ZWINT: variants seen among roughly 807,000 people sequenced by gnomAD.
ZWINT encodes the protein outer kinetochore KNL1 complex subunit ZWINT.
ZWINT carries 41 observed loss-of-function variants against 41.5 expected under a neutral mutation model. That is an observed-to-expected ratio of 0.99 (90% confidence interval 0.77 to 1.28). The LOEUF (loss-of-function observed/expected upper bound fraction) is 1.28, where lower values mean the gene tolerates loss of function less well. ZWINT is among the 50% of genes most tolerant of loss of function. The pLI, the probability that ZWINT is intolerant of heterozygous loss-of-function variation, is 0.00. For missense variants in ZWINT, 369 were observed against 329.7 expected, an observed-to-expected ratio of 1.12 and a Z score of -0.92; for synonymous variants, 132 against 126.8, an observed-to-expected ratio of 1.04 and a Z score of -0.28.
At chr10:56,360,223 C>G in intron 2 of ZWINT, 70 bp downstream of exon 2, 7 of 1,611,072 alleles carry the variant, frequency 4.3e-6, no homozygotes, top group Non-Finnish European at 5.9e-6. Context: ...CAGTGCTGCC[C>G]TGTATCTCAG....
rs1487915776 is a variant in ZWINT at position 56,358,706 on chromosome 10, C to A, written c.642G>T (p.Gln214His). ...GCTTACCCTGCAGGGTATACAGAAG[C>A]TGGAGGAAGGTCTGATACCTACAAA... is the stretch of plus-strand genomic sequence containing the variant. ...DKLQRYQTFL[Q>H]LLYTLQGKLL... The change falls in exon 7 of 9, where the codon CAG becomes CAT. Residue 214 changes from glutamine (Q) to histidine (H), a missense_variant. Physicochemically the swap from Gln to His is conservative, Grantham distance 24. Coordinates refer to ENST00000373944, the MANE Select transcript of ZWINT (RefSeq NM_007057.4). The A allele has an allele frequency of 1.2e-6, 2 of 1,614,100 alleles. No individual in the cohort carries two copies. The highest frequency in any genetic ancestry group is 3.3e-5 in the Admixed American group (2 of 60,012).
At chr10:56,358,746 G>A (rs1013841567) in intron 6 of ZWINT, 22 bp from the exon 7 acceptor site, 4 of 1,614,052 alleles carry the variant, frequency 2.5e-6, no homozygotes, top group East Asian at 2.2e-5. Context: ...AGGTAAGTGT[G>A]AAGGAAAGGA....
Position 56,357,792 on chromosome 10 carries a change from C to T in ZWINT, c.*435G>A, listed in dbSNP as rs1030532643. On this transcript the variant is annotated 3_prime_UTR_variant, in exon 9 of 9. Transcript: ENST00000373944. ...TTATAATTCTGGTTCACCGCAAGAA[C>T]CTTAGCACAAAGAAAGGACTCAACA... 8.9e-6 allele frequency: 3 copies of T among 338,370 alleles called. No individual in the cohort carries two copies. Among genetic ancestry groups the T allele is most frequent in the Non-Finnish European group, 1.7e-5 (3 of 173,306 alleles). The allele number at this position is 338,370 out of a possible 1,614,324, so 21.0% of individuals were successfully genotyped here. A position where few individuals can be genotyped will look rare whatever the true frequency, so the allele number is the denominator to read the frequency against.
intron 3 of ZWINT, 77 bp from the exon 4 acceptor site, chr10:56,359,930 T>G: frequency 6.2e-7 from 1 of 1,605,424 alleles, no homozygotes; most frequent in South Asian, 1.1e-5. Context: ...CTGGGCCTCC[T>G]TCCCATCAGC....
At position 56,358,610 on chromosome 10, in the gene ZWINT, G is replaced by T; in HGVS notation, c.738C>A (p.Pro246=). The change falls in exon 7 of 9, where the codon CCC becomes CCA. Residue 246 remains proline (P), a synonymous_variant. Coordinates refer to ENST00000373944, the MANE Select transcript of ZWINT (RefSeq NM_007057.4). The part of the protein sequence containing the change: ...PDDKPQQPTR[P]QEQSTGDTMG... Reference sequence around the variant, plus strand: ...TGGTGTCTCCTGTACTCTGCTCCTGGGGTCGAGTCGGCTGCTGGGGTTTAT... The same window carrying T: ...TGGTGTCTCCTGTACTCTGCTCCTGTGGTCGAGTCGGCTGCTGGGGTTTAT... 6.2e-7 allele frequency: 1 copy of T among 1,614,090 alleles called. No homozygotes were observed. Among genetic ancestry groups the T allele is most frequent in the Non-Finnish European group, 8.5e-7 (1 of 1,180,030 alleles).
intron 2 of ZWINT, 48 bp from the exon 3 acceptor site, chr10:56,360,189 G>A (rs1395425275): frequency 1.2e-6 from 2 of 1,612,452 alleles, no homozygotes; most frequent in Admixed American, 3.3e-5. Flanking sequence ...CCTCCTTACA[G>A]GTTTCCTTAA....
rs1030782606 is a variant in ZWINT at position 56,357,241 on chromosome 10, A to G, written c.*986T>C. 1.3e-5 allele frequency: 2 copies of G among 152,174 alleles called. No homozygotes were observed. Among genetic ancestry groups the G allele is most frequent in the African/African-American group, 4.8e-5 (2 of 41,472 alleles). The allele number at this position is 152,174 out of a possible 1,614,324, so 9.4% of individuals were successfully genotyped here. A position where few individuals can be genotyped will look rare whatever the true frequency, so the allele number is the denominator to read the frequency against. Reference sequence around the variant, plus strand: ...TGACATCACTCTTTATCAGTAAAAAAGATAATTCACTCACCAAATTTCAAA... The same window carrying G: ...TGACATCACTCTTTATCAGTAAAAAGGATAATTCACTCACCAAATTTCAAA... On this transcript the variant is annotated 3_prime_UTR_variant, in exon 9 of 9. Coordinates refer to ENST00000373944, the MANE Select transcript of ZWINT (RefSeq NM_007057.4).
chr10:56,360,044 T>C lies in ZWINT; in HGVS notation c.230A>G (p.Asp77Gly), dbSNP rs983814122. The C allele has an allele frequency of 1.2e-6, 2 of 1,613,866 alleles. No homozygotes were observed. ...LAQEDTAKGL[D>G]PLASEDTSRQ... ...GCTCGTGTCTTCAGAAGCCAAGGGG[T>C]CGAGACCCTTAGCAGTGTCCTCCTG... is the stretch of plus-strand genomic sequence containing the variant. Residue 77 changes from aspartate (D) to glycine (G), a missense_variant, in exon 3 of 9, where the codon GAC (aspartate) becomes GGC (glycine). Transcript: ENST00000373944.
chr10:56,360,654 T>G (rs930498382), intron 1 of ZWINT, among the ~76,000 whole-genome samples: 1 of 152,050 alleles, frequency 6.6e-6, no homozygotes, highest in Non-Finnish European at 1.5e-5. Flanking sequence ...AAATTTTAAA[T>G]AGGGAGTGTC....
At chr10:56,360,564 C>T (rs1838304353) in intron 1 of ZWINT, among the ~76,000 whole-genome samples, 181 bp from the exon 2 acceptor site, 1 of 152,208 alleles carries the variant, frequency 6.6e-6, no homozygotes, top group Non-Finnish European at 1.5e-5. Context: ...GAATGGCGTG[C>T]ATGGAGGGCA....
rs1838223668 is a variant in ZWINT, at chr10:56,358,426, A to C, written c.826T>G (p.Leu276Val). The change falls in exon 8 of 9, where the codon TTG becomes GTG. Residue 276 changes from leucine to valine, a missense_variant. Physicochemically the swap from Leu to Val is conservative, Grantham distance 32. Coordinates refer to ENST00000373944, the MANE Select transcript of ZWINT (RefSeq NM_007057.4). ...VGLQPAGDVN[L>V]P ...TGCTGTCCTCCAGGAAGTCATGGCA[A>C]ATTTACATCTCCAGCAGGTTGTAGA... is the stretch of plus-strand genomic sequence containing the variant. 1 of 1,613,956 alleles carries C rather than the reference A, an allele frequency of 6.2e-7. No individual in the cohort carries two copies. Among genetic ancestry groups the C allele is most frequent in the Non-Finnish European group, 8.5e-7 (1 of 1,179,992 alleles).
At position 56,360,330 on chromosome 10, in the gene ZWINT, G is replaced by T; in HGVS notation, c.95C>A (p.Ala32Glu). 1 of 1,614,154 alleles carries T rather than the reference G, an allele frequency of 6.2e-7. No individual in the cohort carries two copies. The highest frequency in any genetic ancestry group is 8.5e-7 in the Non-Finnish European group (1 of 1,180,012). Reference sequence around the variant, plus strand: ...AACCAGGATCTTGGCTGGCAGTTCTGCCTCCTCCTGCAGGCCTACAGGTTC... The same window carrying T: ...AACCAGGATCTTGGCTGGCAGTTCTTCCTCCTCCTGCAGGCCTACAGGTTC... Reference protein sequence around the residue: ...ILEPVGLQEEAELPAKILVEF... With the variant: ...ILEPVGLQEEEELPAKILVEF... Residue 32 changes from alanine to glutamate, a missense_variant, in exon 2 of 9, where the codon GCA (alanine) becomes GAA (glutamate). Coordinates refer to ENST00000373944, the MANE Select transcript of ZWINT (RefSeq NM_007057.4).
Position 56,361,201 on chromosome 10 carries a change from G to C in ZWINT, c.36C>G (p.Ala12=), listed in dbSNP as rs765373792. The C allele has an allele frequency of 6.2e-7, 1 of 1,613,246 alleles. No individual in the cohort carries two copies. Among genetic ancestry groups the C allele is most frequent in the Admixed American group, 1.7e-5 (1 of 60,008 alleles). ...ACTTAGCCGCAAACACTTACTCTAG[G>C]GCTGCAGCTTCCGCCTCTGTCTCCG... ...EAAETEAEAA[A]LEVLAEVAGI... Residue 12 remains alanine, a synonymous_variant, in exon 1 of 9, where the codon GCC becomes GCG. Transcript: ENST00000373944.
chr10:56,359,430 T>A (rs778807461), intron 5 of ZWINT, 46 bp downstream of exon 5: 23 of 1,494,370 alleles, frequency 1.5e-5, no homozygotes, highest in Middle Eastern at 3.6e-4. Context: ...GCCGATACAA[T>A]GGCATGGTGG....
At chr10:56,360,619 G>A (rs1838306209) in intron 1 of ZWINT, among the ~76,000 whole-genome samples, 2 of 152,234 alleles carry the variant, frequency 1.3e-5, no homozygotes, top group Admixed American at 1.3e-4. Context: ...AGGGCTAGTG[G>A]ATAAGGAGTT....
At position 56,358,670 on chromosome 10, in the gene ZWINT, A is replaced by G. The variant is rs1554798742; in HGVS notation, c.678T>C (p.Pro226=). The change falls in exon 7 of 9, where the codon CCT becomes CCC. Residue 226 remains proline (P), a synonymous_variant. Transcript: ENST00000373944. ...LYTLQGKLLF[P]EAEAEAENLP... is the part of the protein sequence containing the mutation. ...GATTCTCTGCCTCAGCCTCAGCCTC[A>G]GGGAACAACAGCTTACCCTGCAGGG... 6.8e-6 allele frequency: 11 copies of G among 1,613,984 alleles called. 1 individual carries two copies. The highest frequency in any genetic ancestry group is 3.3e-4 in the Middle Eastern group (2 of 6,084).
At chr10:56,360,797 T>A (rs1838313315) in intron 1 of ZWINT, among the ~76,000 whole-genome samples, 1 of 152,134 alleles carries the variant, frequency 6.6e-6, no homozygotes, top group South Asian at 2.1e-4. Context: ...TTGGAATAGC[T>A]GAGAAAGGAC....
chr10:56,361,090 G>T, intron 1 of ZWINT, 106 bp downstream of exon 1: 1 of 1,304,388 alleles, frequency 7.7e-7, no homozygotes, highest in Non-Finnish European at 1.1e-6. Flanking sequence ...CGGCAGGGTC[G>T]AACCTCAACA....
At position 56,361,184 on chromosome 10, in the gene ZWINT, G is replaced by A; in HGVS notation, c.41+12C>T. 2 of 1,612,858 alleles carry A rather than the reference G, an allele frequency of 1.2e-6. No homozygotes were observed. Among genetic ancestry groups the A allele is most frequent in the East Asian group, 2.2e-5 (1 of 44,896 alleles). On this transcript the variant is annotated intron_variant, in intron 1 of 8. Coordinates refer to ENST00000373944, the MANE Select transcript of ZWINT (RefSeq NM_007057.4). The stretch of plus-strand genomic sequence containing the variant: ...GCCCGGCCCCAGCTGCCACTTAGCC[G>A]CAAACACTTACTCTAGGGCTGCAGC...
Sources: gnomAD v4.1 joint callset for allele counts (sites outside exome capture counted in the v4.1 genomes callset) on GRCh38, gnomAD v4.1.1 for gene constraint, MANE v1.5 for transcripts, NCBI Gene and HGNC (gene_info 2026-07-23, HGNC 2026-07-21) for gene names.